Variants in WASHC5 observed in about 807,000 individuals in gnomAD.
The protein encoded by WASHC5 is WASH complex subunit 5.
Under a neutral mutation model 150.4 loss-of-function variants are expected in WASHC5, and 101 were observed. The ratio of observed to expected loss-of-function variants is 0.67; its 90% CI spans 0.57 to 0.79. The LOEUF (loss-of-function observed/expected upper bound fraction) is 0.79, where lower values mean the gene tolerates loss of function less well. Among genes scored for constraint, WASHC5 ranks in the 30% least tolerant of loss-of-function variants. The probability of loss-of-function intolerance (pLI) is 0.00; values close to 1 mark genes in which losing one functional copy is unlikely to be tolerated. For missense variants in WASHC5, 1,195 were observed against 1,396.3 expected (o/e 0.86, Z 2.30); for synonymous variants, 467 against 491.2 (o/e 0.95, Z 0.65).
At position 125,076,461 on chromosome 8, in the gene WASHC5, G is replaced by A; in HGVS notation, c.751C>T (p.Leu251=). 1 of 1,614,024 alleles carries A rather than the reference G, an allele frequency of 6.2e-7. No homozygotes were observed. Among genetic ancestry groups the A allele is most frequent in the Non-Finnish European group, 8.5e-7 (1 of 1,179,962 alleles). Residue 251 remains leucine, a synonymous_variant, in exon 7 of 29, where the codon CTG becomes TTG. Transcript: ENST00000318410. ...YPLPEHRSTA[L]ANQAAMLYVI... The stretch of plus-strand genomic sequence containing the variant: ...TACAGCATGGCAGCTTGGTTTGCCA[G>A]GGCTGTGCTGCGATGCTCCGGCAAA...
In WASHC5 at chr8:125,076,056, A is replaced by T. The variant is rs535069610; in HGVS notation, c.864+292T>A. Among the ~76,000 whole-genome samples, 8 of 152,366 alleles carry T rather than the reference A, an allele frequency of 5.3e-5. No individual in the cohort carries two copies. The East Asian group carries it at 1.2e-3, about 22-fold the overall frequency. The stretch of plus-strand genomic sequence containing the variant: ...TGGAAAAGAATAAATAAATTCTTAC[A>T]CAACTTAGTTGTAATCTCAGTAGCT... On this transcript the variant is annotated intron_variant, in intron 7 of 28. Transcript: ENST00000318410.
chr8:125,055,290 T>G (rs1171196980), intron 17 of WASHC5, among the ~76,000 whole-genome samples: 1 of 151,942 alleles, frequency 6.6e-6, no homozygotes, highest in Non-Finnish European at 1.5e-5. Context: ...GGGTGTGGTG[T>G]TGTATGCCTG....
At position 125,040,176 on chromosome 8, in the gene WASHC5, G is replaced by A. The variant is rs191841751; in HGVS notation, c.2851-278C>T. Among the ~76,000 whole-genome samples, 493 of 152,248 alleles carry A rather than the reference G, an allele frequency of 3.2e-3. 4 individuals are homozygous for A. The highest frequency in any genetic ancestry group is 0.012 in the African/African-American group (482 of 41,560). On this transcript the variant is annotated intron_variant, in intron 23 of 28. Coordinates refer to ENST00000318410, the MANE Select transcript of WASHC5 (RefSeq NM_014846.4). The stretch of plus-strand genomic sequence containing the variant: ...CAAAGTGATCTATTAATGTTCAGTT[G>A]TTCATGTATCAAAGATGTCTTTTTT...
chr8:125,041,438 G>A (rs1411607610), intron 23 of WASHC5, among the ~76,000 whole-genome samples: 1 of 152,080 alleles, frequency 6.6e-6, no homozygotes, highest in Non-Finnish European at 1.5e-5. Flanking sequence ...CTAGGAGTTC[G>A]AGACCAAGCC....
chr8:125,030,663 AG>A (rs1324572444), intron 27 of WASHC5, among the ~76,000 whole-genome samples: 7 of 146,534 alleles, frequency 4.8e-5, no homozygotes, highest in African/African-American at 1.3e-4. Flanking sequence ...AAAAAAAAAA[AG>A]GACTCATCAC....
intron 20 of WASHC5, among the ~76,000 whole-genome samples, chr8:125,046,004 A>G (rs1816055826): frequency 6.6e-6 from 1 of 152,240 alleles, no homozygotes. Flanking sequence ...TATTTCTGCT[A>G]GAAATTTTGG....
chr8:125,072,365 C>T (rs547102459), intron 9 of WASHC5, among the ~76,000 whole-genome samples: 9 of 12,932 alleles, frequency 7.0e-4, no homozygotes, highest in Admixed American at 1.9e-3. Context: ...GGGGGGGGGG[C>T]GGGCTCTTAT....
At position 125,083,696 on chromosome 8, in the gene WASHC5, C is replaced by T. The variant is rs59134934; in HGVS notation, c.186+17G>A. On this transcript the variant is annotated intron_variant, in intron 2 of 28. Transcript: ENST00000318410. The stretch of plus-strand genomic sequence containing the variant: ...TGTAGAAAAGACAACAATAAAAATG[C>T]TATAGAGGAAGATTACCTTAAAATA... 10,409 of 1,578,402 alleles carry T rather than the reference C, an allele frequency of 6.6e-3. 456 individuals carry two copies. In the African/African-American group the frequency reaches 0.11, roughly 16 times the overall value.
intron 28 of WASHC5, among the ~76,000 whole-genome samples, chr8:125,025,859 A>AG (rs1563604450): frequency 3.4e-5 from 4 of 117,046 alleles, no homozygotes; most frequent in African/African-American, 2.0e-4. Context: ...CACACACACA[A>AG]TCAAAATTAG....
chr8:125,061,921 C>T (rs28392978), intron 11 of WASHC5, among the ~76,000 whole-genome samples: 11,668 of 152,118 alleles, frequency 0.077, 1,502 homozygotes, highest in African/African-American at 0.26. Flanking sequence ...CAGGGTGACA[C>T]GGTGACTAAA....
intron 15 of WASHC5, 29 bp downstream of exon 15, chr8:125,057,527 A>T (rs370310655): frequency 2.0e-5 from 28 of 1,387,652 alleles, no homozygotes; most frequent in Non-Finnish European, 2.7e-5. Context: ...ATCTGGCAAG[A>T]GTAAATATCA....
At chr8:125,038,718 G>C in intron 25 of WASHC5, 112 bp downstream of exon 25, 1 of 1,257,892 alleles carries the variant, frequency 7.9e-7, no homozygotes, top group African/African-American at 1.5e-5. Context: ...TGGAATGAAG[G>C]CTCTGGGGTC....
chr8:125,052,821 G>T (rs1816284526), intron 17 of WASHC5, among the ~76,000 whole-genome samples: 1 of 152,094 alleles, frequency 6.6e-6, no homozygotes, highest in South Asian at 2.1e-4. Context: ...TTAAGATGGG[G>T]TTACATTCCA....
chr8:125,052,637 C>CACACACACACACACACACAT (rs1414587856), intron 17 of WASHC5, among the ~76,000 whole-genome samples: 1 of 151,314 alleles, frequency 6.6e-6, no homozygotes. Flanking sequence ...CACACACACA[C>CACACACACACACACACACAT]ACATACATAC....
rs16900302 is a variant in WASHC5 at position 125,061,230 on chromosome 8, C to T, written c.1409-36G>A. On this transcript the variant is annotated intron_variant, in intron 11 of 28. Coordinates refer to ENST00000318410, the MANE Select transcript of WASHC5 (RefSeq NM_014846.4). ...AGAAATAAGAAAATACTGAAATCCT[C>T]GAATTCCTGTAGCTGTGGCTTTGAA... 6.1e-3 allele frequency: 6,749 copies of T among 1,108,180 alleles called. 282 individuals are homozygous for T. The African/African-American group carries it at 0.092, about 15-fold the overall frequency. The allele number at this position is 1,108,180 out of a possible 1,614,324, so 68.6% of individuals were successfully genotyped here.
rs1253751244 is a variant in WASHC5, at chr8:125,073,310, A to G, written c.993T>C (p.Ala331=). The change falls in exon 9 of 29, where the codon GCT becomes GCC. Residue 331 remains alanine, a synonymous_variant. Transcript: ENST00000318410. ...GAGCATGCACTCTTTCACTGACAGTAGCATATCTGCTTGCCTTGACAAATA... is the reference window on the plus strand; with the variant it reads ...GAGCATGCACTCTTTCACTGACAGTGGCATATCTGCTTGCCTTGACAAATA... ...SNVREQASRY[A]TVSERVHAQV... 2 of 1,613,870 alleles carry G rather than the reference A, an allele frequency of 1.2e-6. No individual in the cohort carries two copies. Among genetic ancestry groups the G allele is most frequent in the Non-Finnish European group, 1.7e-6 (2 of 1,179,750 alleles).
At chr8:125,049,319 G>T in intron 18 of WASHC5, 134 bp from the exon 19 acceptor site, 1 of 913,514 alleles carries the variant, frequency 1.1e-6, no homozygotes, top group Non-Finnish European at 1.7e-6. Flanking sequence ...AGCACTTTGG[G>T]AGGCTTAGGC....
intron 1 of WASHC5, among the ~76,000 whole-genome samples, chr8:125,086,346 C>A (rs899102520): frequency 6.6e-6 from 1 of 152,044 alleles, no homozygotes; most frequent in Non-Finnish European, 1.5e-5. Flanking sequence ...CACTATGTAG[C>A]CCAGGGGAGT....
chr8:125,063,461 A>C (rs1372588279), intron 11 of WASHC5, 61 bp downstream of exon 11: 2 of 1,571,368 alleles, frequency 1.3e-6, no homozygotes, highest in African/African-American at 1.4e-5. Flanking sequence ...CCAGTTTCCA[A>C]GGTTTCAAAT....
Sources: gnomAD v4.1 joint callset for allele counts (sites outside exome capture counted in the v4.1 genomes callset) on GRCh38, gnomAD v4.1.1 for gene constraint, MANE v1.5 for transcripts, NCBI Gene and HGNC (gene_info 2026-07-23, HGNC 2026-07-21) for gene names.